The following TRPC3 variants were observed in gnomAD, a reference collection of about 807,000 sequenced individuals.
TRPC3 encodes the protein short transient receptor potential channel 3.
Under a neutral mutation model 90.9 loss-of-function variants are expected in TRPC3, and 54 were observed. That is an observed-to-expected ratio of 0.59 (90% CI 0.48 to 0.75). The LOEUF (loss-of-function observed/expected upper bound fraction) is 0.75. TRPC3 is among the 30% of genes least tolerant of loss of function. The pLI is 0.00. For missense variants in TRPC3, 918 were observed against 1,194.5 expected, an observed-to-expected ratio of 0.77 and a Z score of 3.41; for synonymous variants, 424 against 450.9, an observed-to-expected ratio of 0.94 and a Z score of 0.75.
At chr4:121,908,817 A>G (rs898168467) in intron 6 of TRPC3, among the ~76,000 whole-genome samples, 17 of 152,140 alleles carry the variant, frequency 1.1e-4, no homozygotes, top group African/African-American at 4.1e-4. Flanking sequence ...CCTCAGAATC[A>G]TGCAATATGC....
chr4:121,924,249 C>A (rs1174482561), intron 3 of TRPC3, among the ~76,000 whole-genome samples: 1 of 152,090 alleles, frequency 6.6e-6, no homozygotes, highest in African/African-American at 2.4e-5. Context: ...ATTCACATAA[C>A]AATGTAAAAA....
intron 1 of TRPC3, among the ~76,000 whole-genome samples, chr4:121,949,292 C>T (rs1730600787): frequency 6.6e-6 from 1 of 152,114 alleles, no homozygotes; most frequent in African/African-American, 2.4e-5. Context: ...TGACACTTTT[C>T]CTCCCAAGTC....
intron 10 of TRPC3, among the ~76,000 whole-genome samples, chr4:121,889,037 A>G (rs1270880715): frequency 1.3e-5 from 2 of 152,250 alleles, no homozygotes; most frequent in Non-Finnish European, 2.9e-5. Flanking sequence ...CACCAAGAAC[A>G]TACATTGGGG....
chr4:121,911,649 T>C (rs1227333573), intron 5 of TRPC3, among the ~76,000 whole-genome samples: 1 of 152,212 alleles, frequency 6.6e-6, no homozygotes, highest in African/African-American at 2.4e-5. Flanking sequence ...ATAGTATATT[T>C]GTAATTAGGG....
At position 121,875,850 on chromosome 4, in the gene TRPC3, C is replaced by CT. The variant is rs1438165154; in HGVS notation, c.*3885dup. ...GTATAAATTTAGAAATTCTCAAACT[C>CT]TTTTTTAAACTGAACAAAGTTATAA... On this transcript the variant is annotated 3_prime_UTR_variant, in exon 12 of 12. Coordinates refer to ENST00000379645, the MANE Select transcript of TRPC3 (RefSeq NM_001130698.2). 1.5e-5 allele frequency among the ~76,000 whole-genome samples: 2 copies of CT among 136,868 alleles called. No individual in the cohort carries two copies. The highest frequency in any genetic ancestry group is 2.1e-4 in the East Asian group (1 of 4,728). The allele number at this position is 136,868 out of a possible 152,430, so 89.8% of individuals were successfully genotyped here. A position where few individuals can be genotyped will look rare whatever the true frequency, so the allele number is the denominator to read the frequency against.
At chr4:121,929,834 GA>G (rs1052538398) in intron 2 of TRPC3, among the ~76,000 whole-genome samples, 2 of 150,608 alleles carry the variant, frequency 1.3e-5, no homozygotes, top group Admixed American at 6.6e-5. Flanking sequence ...GTCTTAAAAG[GA>G]AAAAAAATCA....
chr4:121,902,602 T>G (rs1344708366), intron 9 of TRPC3, among the ~76,000 whole-genome samples: 1 of 152,172 alleles, frequency 6.6e-6, no homozygotes, highest in Non-Finnish European at 1.5e-5. Context: ...TTTAACAAGT[T>G]AAAGGCTTTT....
rs1209299041 is a variant in TRPC3 at position 121,951,993 on chromosome 4, G to A, written c.-313C>T. The stretch of plus-strand genomic sequence containing the variant: ...AGAGGCTCTCCAGCCCCGCGGCGGC[G>A]GCGATGCCTCCTCGGCGCCCGTCTC... On this transcript the variant is annotated 5_prime_UTR_variant, in exon 1 of 12. Coordinates refer to ENST00000379645, the MANE Select transcript of TRPC3 (RefSeq NM_001130698.2). This position sits in a 1 kb window ranked among gnomAD's most constrained non-coding sequence, Gnocchi z 4.4. Among the ~76,000 whole-genome samples, 2 of 152,078 alleles carry A rather than the reference G, an allele frequency of 1.3e-5. No homozygotes were observed. The highest frequency in any genetic ancestry group is 2.1e-4 in the South Asian group (1 of 4,820).
chr4:121,951,426 G>A lies in TRPC3; in HGVS notation c.215+40C>T. 1 of 1,169,392 alleles carries A rather than the reference G, an allele frequency of 8.6e-7. No individual in the cohort carries two copies. The highest frequency in any genetic ancestry group is 1.1e-6 in the Non-Finnish European group (1 of 946,186). 72.4% of individuals were successfully genotyped at this position (1,169,392 alleles called of 1,614,324 possible). ...GCCTTCCCGCCCCCCGCCCGGCACC[G>A]CCCTCCGAGGCGCGGGCCGCGGCCG... On this transcript the variant is annotated intron_variant, in intron 1 of 11. Coordinates refer to ENST00000379645, the MANE Select transcript of TRPC3 (RefSeq NM_001130698.2). The surrounding 1 kb of genome is among the most constrained non-coding windows in gnomAD (Gnocchi z 4.4).
chr4:121,902,118 G>T (rs562115775), intron 9 of TRPC3, among the ~76,000 whole-genome samples: 1 of 152,192 alleles, frequency 6.6e-6, no homozygotes, highest in East Asian at 1.9e-4. Context: ...GGGCTTTTAG[G>T]ATGTTATAGC....
At chr4:121,934,212 C>A (rs1357271395) in intron 1 of TRPC3, among the ~76,000 whole-genome samples, 1 of 152,106 alleles carries the variant, frequency 6.6e-6, no homozygotes, top group Non-Finnish European at 1.5e-5. Flanking sequence ...ATCCTTACGC[C>A]AGGTAGAAAA....
rs137881822 is a variant in TRPC3, at chr4:121,915,425, T to C, written c.1177-481A>G. On this transcript the variant is annotated intron_variant, in intron 3 of 11. Transcript: ENST00000379645. ...ATGCTACATACAAAAAAATGCATAA[T>C]GCACCCTTTGTGTAATTATGTACTA... is the stretch of plus-strand genomic sequence containing the variant. Among the ~76,000 whole-genome samples the C allele has an allele frequency of 1.4e-4, 22 of 152,340 alleles. No homozygotes were observed. The East Asian group carries it at 4.2e-3, about 29-fold the overall frequency.
chr4:121,914,708 A>G (rs1168000216), intron 4 of TRPC3, 72 bp downstream of exon 4: 6 of 1,395,474 alleles, frequency 4.3e-6, no homozygotes, highest in Non-Finnish European at 5.7e-6. Flanking sequence ...TTAAGCATGA[A>G]GCTTTTTATT....
At chr4:121,912,204 G>A in intron 4 of TRPC3, 111 bp from the exon 5 acceptor site, 2 of 893,414 alleles carry the variant, frequency 2.2e-6, no homozygotes, top group Non-Finnish European at 3.3e-6. Flanking sequence ...TCAAAATTCT[G>A]CTTCTGTTTC....
chr4:121,903,287 A>G (rs966498656), intron 8 of TRPC3, among the ~76,000 whole-genome samples: 6 of 152,182 alleles, frequency 3.9e-5, no homozygotes, highest in Non-Finnish European at 8.8e-5. Context: ...AAATTTAACC[A>G]GAACTTCCTG....
At chr4:121,925,790 C>T (rs1290911738) in intron 2 of TRPC3, among the ~76,000 whole-genome samples, 2 of 152,066 alleles carry the variant, frequency 1.3e-5, no homozygotes, top group Non-Finnish European at 2.9e-5. Flanking sequence ...TCCCATGGTA[C>T]CCATGGTACC....
intron 5 of TRPC3, among the ~76,000 whole-genome samples, chr4:121,910,799 A>G (rs1289226705): frequency 1.3e-5 from 2 of 152,208 alleles, no homozygotes; most frequent in African/African-American, 2.4e-5. Flanking sequence ...CATAGTGATT[A>G]TTGGAGAAAT....
chr4:121,885,551 A>G (rs78693018), intron 10 of TRPC3, among the ~76,000 whole-genome samples: 10,026 of 152,218 alleles, frequency 0.066, 383 homozygotes, highest in South Asian at 0.15. Flanking sequence ...GAGACAATAC[A>G]TGTAAATTAC....
chr4:121,909,550 C>T (rs904019668), intron 6 of TRPC3, among the ~76,000 whole-genome samples: 1 of 152,106 alleles, frequency 6.6e-6, no homozygotes, highest in Non-Finnish European at 1.5e-5. Context: ...TTCTTTCACA[C>T]CGGATGTCAG....
Sources: gnomAD v4.1 joint callset for allele counts (sites outside exome capture counted in the v4.1 genomes callset) on GRCh38, gnomAD v4.1.1 for gene constraint, Gnocchi (gnomAD v3.1) non-coding constraint, MANE v1.5 for transcripts, NCBI Gene and HGNC (gene_info 2026-07-23, HGNC 2026-07-21) for gene names.